Variants in CIMAP3 observed in about 807,000 individuals in gnomAD.
The protein encoded by CIMAP3 is ciliary microtubule-associated protein 3.
chr1:111,347,641 G>GTTTTTTTTTGTT, the CIMAP3 span: 1 of 1,071,200 alleles, frequency 9.3e-7, no homozygotes, highest in East Asian at 2.7e-5. Context: ...TTTTTTTGGT[G>GTTTTTTTTTGTT]TTTTTGTTTG....
At chr1:111,343,898 C>G in the CIMAP3 span, among the ~76,000 whole-genome samples, 19 of 152,146 alleles carry the variant, frequency 1.2e-4, no homozygotes, top group African/African-American at 4.6e-4. Flanking sequence ...TAGGCTCTTA[C>G]CTAAGAAGTC....
At chr1:111,339,843 T>C in the CIMAP3 span, among the ~76,000 whole-genome samples, 2 of 151,754 alleles carry the variant, frequency 1.3e-5, no homozygotes, top group Non-Finnish European at 2.9e-5. Context: ...TTTACAGAAT[T>C]GGAAAAAACT....
At chr1:111,327,672 T>C in the CIMAP3 span, among the ~76,000 whole-genome samples, 1 of 152,166 alleles carries the variant, frequency 6.6e-6, no homozygotes, top group Non-Finnish European at 1.5e-5. Flanking sequence ...TTTCTGATGG[T>C]TATTTTTATT....
chr1:111,333,671 C>A, the CIMAP3 span, among the ~76,000 whole-genome samples: 1 of 152,200 alleles, frequency 6.6e-6, no homozygotes, highest in African/African-American at 2.4e-5. Context: ...GGAGAGGCTG[C>A]AGAGGAAAGG....
At chr1:111,327,907 G>T in the CIMAP3 span, among the ~76,000 whole-genome samples, 2 of 151,820 alleles carry the variant, frequency 1.3e-5, no homozygotes, top group Admixed American at 6.6e-5. Flanking sequence ...GGGTTGATTT[G>T]TTCTTGCTTC....
At chr1:111,341,924 T>C in the CIMAP3 span, among the ~76,000 whole-genome samples, 1 of 151,974 alleles carries the variant, frequency 6.6e-6, no homozygotes, top group Admixed American at 6.6e-5. Flanking sequence ...CTACAAGATA[T>C]ACAAAATTAC....
chr1:111,329,097 C>T, the CIMAP3 span, among the ~76,000 whole-genome samples: 3 of 152,168 alleles, frequency 2.0e-5, no homozygotes, highest in Non-Finnish European at 4.4e-5. Context: ...TTCTCCTTCA[C>T]TTAGGAAGCT....
the CIMAP3 span, among the ~76,000 whole-genome samples, chr1:111,333,122 T>A: frequency 1.3e-5 from 2 of 152,146 alleles, no homozygotes; most frequent in African/African-American, 4.8e-5. Context: ...TCTCTCCTGT[T>A]TGGGGAAGGG....
the CIMAP3 span, among the ~76,000 whole-genome samples, chr1:111,326,625 G>C: frequency 6.6e-6 from 1 of 152,050 alleles, no homozygotes; most frequent in Non-Finnish European, 1.5e-5. Flanking sequence ...TATACTGCTA[G>C]ATCATATGGT....
the CIMAP3 span, among the ~76,000 whole-genome samples, chr1:111,333,410 G>A: frequency 6.6e-6 from 1 of 152,166 alleles, no homozygotes; most frequent in Non-Finnish European, 1.5e-5. Context: ...GTCTCAAGAT[G>A]GCTCCATGCT....
the CIMAP3 span, among the ~76,000 whole-genome samples, chr1:111,340,908 G>A: frequency 0.011 from 1,615 of 152,164 alleles, 32 homozygotes; most frequent in African/African-American, 0.037. Flanking sequence ...ACATGAACAC[G>A]TATGTTTATT....
chr1:111,330,223 A>G, the CIMAP3 span, among the ~76,000 whole-genome samples: 1 of 152,148 alleles, frequency 6.6e-6, no homozygotes, highest in Non-Finnish European at 1.5e-5. Context: ...CTCTTGTTGG[A>G]GAGCTGGTAT....
At chr1:111,324,867 A>G in the CIMAP3 span, 2 of 985,168 alleles carry the variant, frequency 2.0e-6, no homozygotes, top group African/African-American at 1.7e-5. Flanking sequence ...TCAGACAGCC[A>G]TACATCTGGA....
At chr1:111,346,587 A>T in the CIMAP3 span, 2 of 1,607,950 alleles carry the variant, frequency 1.2e-6, no homozygotes, top group Non-Finnish European at 1.7e-6. Flanking sequence ...CGCAGCTGGG[A>T]ATCACGGGAC....
At chr1:111,350,032 A>G in the CIMAP3 span, 1 of 1,191,884 alleles carries the variant, frequency 8.4e-7, no homozygotes, top group Non-Finnish European at 1.2e-6. Flanking sequence ...TAGTCCAGGG[A>G]CGGCTCTGGT....
At chr1:111,336,380 G>T in the CIMAP3 span, among the ~76,000 whole-genome samples, 4 of 152,256 alleles carry the variant, frequency 2.6e-5, no homozygotes, top group East Asian at 1.9e-4. Flanking sequence ...AGAGAAGAAG[G>T]CTTCAGACAA....
the CIMAP3 span, chr1:111,350,040 G>T: frequency 7.6e-7 from 1 of 1,314,850 alleles, no homozygotes; most frequent in Non-Finnish European, 1.1e-6. Flanking sequence ...GGACGGCTCT[G>T]GTACTGATGG....
the CIMAP3 span, among the ~76,000 whole-genome samples, chr1:111,333,756 T>C: frequency 6.6e-6 from 1 of 152,208 alleles, no homozygotes; most frequent in African/African-American, 2.4e-5. Flanking sequence ...TATAGCACTC[T>C]GTCTGATACT....
At chr1:111,341,603 C>G in the CIMAP3 span, among the ~76,000 whole-genome samples, 1,263 of 152,180 alleles carry the variant, frequency 8.3e-3, 15 homozygotes, top group African/African-American at 0.029. Flanking sequence ...TTTTACTTTT[C>G]AAGGTTGTTG....
Sources: gnomAD v4.1 joint callset for allele counts (sites outside exome capture counted in the v4.1 genomes callset) on GRCh38, gnomAD v4.1.1 for gene constraint, MANE v1.5 for transcripts, NCBI Gene and HGNC (gene_info 2026-07-23, HGNC 2026-07-21) for gene names.